The following FEZ1 variants were observed in gnomAD, a reference collection of about 807,000 sequenced individuals.
FEZ1 encodes fasciculation and elongation protein zeta-1.
FEZ1 carries 20 observed loss-of-function variants against 49.3 expected under a neutral mutation model. That is an observed-to-expected ratio of 0.41 (90% CI 0.29 to 0.59). The LOEUF (loss-of-function observed/expected upper bound fraction) is 0.59. FEZ1 is among the 20% of genes least tolerant of loss of function. The probability of loss-of-function intolerance (pLI) is 0.36; values close to 1 mark genes in which losing one functional copy is unlikely to be tolerated. For synonymous variants in FEZ1, 170 were observed against 180.9 expected (o/e 0.94, Z 0.48); for missense variants, 413 against 476.0 (o/e 0.87, Z 1.23).
At chr11:125,493,410 GAAAGAAAGAAA>G (rs1565306922) in intron 1 of FEZ1, among the ~76,000 whole-genome samples, 1 of 72,938 alleles carries the variant, frequency 1.4e-5, no homozygotes, top group African/African-American at 6.9e-5. Flanking sequence ...AAGAAAGAAA[GAAAGAAAGAAA>G]GAAGGAAAGA....
intron 2 of FEZ1, among the ~76,000 whole-genome samples, chr11:125,483,845 C>T (rs540383812): frequency 1.3e-5 from 2 of 152,340 alleles, no homozygotes; most frequent in South Asian, 4.1e-4. Flanking sequence ...AGACTATTTA[C>T]ATCCTTAAAG....
At chr11:125,480,339 CTG>C (rs371543376) in intron 3 of FEZ1, among the ~76,000 whole-genome samples, 1,767 of 152,212 alleles carry the variant, frequency 0.012, 32 homozygotes, top group African/African-American at 0.031. Context: ...TGAGCCGAGA[CTG>C]TGCCACTGCA....
intron 2 of FEZ1, among the ~76,000 whole-genome samples, chr11:125,486,982 C>G (rs1957330646): frequency 6.6e-6 from 1 of 152,208 alleles, no homozygotes; most frequent in Non-Finnish European, 1.5e-5. Context: ...TCCCGCTACA[C>G]TGTCCCCAAA....
chr11:125,463,068 G>A (rs1308640263), intron 4 of FEZ1, among the ~76,000 whole-genome samples: 1 of 151,846 alleles, frequency 6.6e-6, no homozygotes, highest in Non-Finnish European at 1.5e-5. Context: ...GGGAGGTTGA[G>A]GTGGGCAGAT....
intron 4 of FEZ1, among the ~76,000 whole-genome samples, chr11:125,460,933 C>G (rs1037658702): frequency 2.0e-5 from 3 of 152,172 alleles, no homozygotes; most frequent in African/African-American, 7.2e-5. Flanking sequence ...GCTGCTCTTT[C>G]AGGAAGCAAG....
rs756541178 is a variant in FEZ1 at position 125,460,480 on chromosome 11, A to G, written c.667+18T>C. 3 of 1,610,306 alleles carry G rather than the reference A, an allele frequency of 1.9e-6. No individual in the cohort carries two copies. The highest frequency in any genetic ancestry group is 2.2e-5 in the South Asian group (2 of 90,670). ...CAGGTGCTTCCTCCTCGGCCAGCCC[A>G]GCGCCCAGGGCCCTCACCTTCATAG... On this transcript the variant is annotated intron_variant, in intron 5 of 9. Coordinates refer to ENST00000278919, the MANE Select transcript of FEZ1 (RefSeq NM_005103.5).
At chr11:125,483,677 C>T (rs2135781016) in intron 2 of FEZ1, among the ~76,000 whole-genome samples, 1 of 152,334 alleles carries the variant, frequency 6.6e-6, no homozygotes, top group Admixed American at 6.5e-5. Flanking sequence ...CAAGAATGAA[C>T]ATGCATACAG....
intron 3 of FEZ1, among the ~76,000 whole-genome samples, chr11:125,475,755 T>C (rs1320701918): frequency 6.6e-6 from 1 of 150,878 alleles, no homozygotes; most frequent in Non-Finnish European, 1.5e-5. Context: ...AAAAAAAAAG[T>C]TGAACATACA....
intron 3 of FEZ1, among the ~76,000 whole-genome samples, chr11:125,472,015 T>C (rs528750623): frequency 6.6e-6 from 1 of 152,214 alleles, no homozygotes; most frequent in Non-Finnish European, 1.5e-5. Flanking sequence ...AAATAACCTA[T>C]GGGTTAAAGA....
chr11:125,446,151 A>C lies in FEZ1; in HGVS notation c.1163-40T>G, dbSNP rs763737591. 4.3e-6 allele frequency: 7 copies of C among 1,611,616 alleles called. No homozygotes were observed. In the East Asian group the frequency reaches 1.6e-4, roughly 36 times the overall value. The stretch of plus-strand genomic sequence containing the variant: ...GAGGAGGGGAGAGCGGTCAGAACAC[A>C]GTTGCAGGTGGGGACCTCCGAGCCC... On this transcript the variant is annotated intron_variant, in intron 9 of 9. Coordinates refer to ENST00000278919, the MANE Select transcript of FEZ1 (RefSeq NM_005103.5).
At chr11:125,456,826 CATGTTAT>C (rs1957015014) in intron 5 of FEZ1, among the ~76,000 whole-genome samples, 1 of 152,154 alleles carries the variant, frequency 6.6e-6, no homozygotes, top group African/African-American at 2.4e-5. Flanking sequence ...TTTCTGTTTA[CATGTTAT>C]ATATTTTCAT....
intron 3 of FEZ1, among the ~76,000 whole-genome samples, chr11:125,476,460 A>G (rs1170032722): frequency 6.6e-6 from 1 of 151,968 alleles, no homozygotes; most frequent in South Asian, 2.1e-4. Flanking sequence ...AGTAAATAGA[A>G]ATAATAAATC....
intron 4 of FEZ1, among the ~76,000 whole-genome samples, 171 bp from the exon 5 acceptor site, chr11:125,460,837 A>G (rs1009035306): frequency 6.6e-6 from 1 of 152,202 alleles, no homozygotes; most frequent in Non-Finnish European, 1.5e-5. Flanking sequence ...AAAGGCTTGC[A>G]TACACTCTTT....
In FEZ1 at chr11:125,448,574, A is replaced by G; in HGVS notation, c.1097-7T>C. 2 of 1,598,570 alleles carry G rather than the reference A, an allele frequency of 1.3e-6. No homozygotes were observed. The highest frequency in any genetic ancestry group is 8.6e-7 in the Non-Finnish European group (1 of 1,165,998). On this transcript the variant is annotated splice_polypyrimidine_tract_variant and splice_region_variant and intron_variant, in intron 8 of 9. Transcript: ENST00000278919. ...TCCTTCATGGCAAAGAGAACTAGGAAAGGAGACAGAGAGAGGAACTAAGAT... is the reference window on the plus strand; with the variant it reads ...TCCTTCATGGCAAAGAGAACTAGGAGAGGAGACAGAGAGAGGAACTAAGAT...
intron 3 of FEZ1, among the ~76,000 whole-genome samples, chr11:125,480,773 C>T (rs553427283): frequency 1.7e-4 from 26 of 152,296 alleles, no homozygotes; most frequent in African/African-American, 6.0e-4. Flanking sequence ...GGTGTGGTGG[C>T]TCACGCCTGT....
intron 1 of FEZ1, among the ~76,000 whole-genome samples, chr11:125,491,794 T>C (rs531354230): frequency 6.6e-6 from 1 of 152,212 alleles, no homozygotes; most frequent in East Asian, 1.9e-4. Context: ...TAAAACATAT[T>C]TGGAGCATTT....
intron 3 of FEZ1, among the ~76,000 whole-genome samples, chr11:125,481,003 C>G (rs896120868): frequency 6.6e-6 from 1 of 150,984 alleles, no homozygotes; most frequent in Admixed American, 6.6e-5. Flanking sequence ...CGTGCCACTG[C>G]ACTCCAGCCT....
At chr11:125,471,965 A>G (rs1957187285) in intron 3 of FEZ1, among the ~76,000 whole-genome samples, 1 of 152,114 alleles carries the variant, frequency 6.6e-6, no homozygotes, top group African/African-American at 2.4e-5. Context: ...AGATAGCTAT[A>G]AAACCTCCCA....
intron 2 of FEZ1, among the ~76,000 whole-genome samples, chr11:125,484,411 A>G (rs1320618777): frequency 6.6e-6 from 1 of 152,238 alleles, no homozygotes; most frequent in Non-Finnish European, 1.5e-5. Flanking sequence ...TAACAATTCC[A>G]AGTCTTTATG....
Sources: gnomAD v4.1 joint callset for allele counts (sites outside exome capture counted in the v4.1 genomes callset) on GRCh38, gnomAD v4.1.1 for gene constraint, MANE v1.5 for transcripts, NCBI Gene and HGNC (gene_info 2026-07-23, HGNC 2026-07-21) for gene names.